The following COX7B2 variants were observed in gnomAD, a reference collection of about 807,000 sequenced individuals.
COX7B2 encodes the protein cytochrome c oxidase subunit 7B2.
For missense variants in COX7B2, 109 were observed against 95.9 expected (o/e 1.14, Z -0.57); for synonymous variants, 37 against 32.1 (o/e 1.15, Z -0.51).
At chr4:46,743,319 G>A (rs931991037) in intron 2 of COX7B2, among the ~76,000 whole-genome samples, 2 of 152,142 alleles carry the variant, frequency 1.3e-5, no homozygotes, top group African/African-American at 4.8e-5. Context: ...GCTTTGCAGG[G>A]CAAGATCACA....
At chr4:46,835,002 A>G (rs1249712039) in intron 2 of COX7B2, among the ~76,000 whole-genome samples, 1 of 152,186 alleles carries the variant, frequency 6.6e-6, no homozygotes. Context: ...AAAAATGGAA[A>G]TATGAGTAAT....
At chr4:46,823,184 T>C (rs1714426213) in intron 2 of COX7B2, among the ~76,000 whole-genome samples, 1 of 152,100 alleles carries the variant, frequency 6.6e-6, no homozygotes, top group South Asian at 2.1e-4. Context: ...TTCTGCTGGG[T>C]GGGAAATAGC....
chr4:46,883,603 T>A (rs184749937), intron 1 of COX7B2, among the ~76,000 whole-genome samples: 250 of 152,096 alleles, frequency 1.6e-3, no homozygotes, highest in Middle Eastern at 6.8e-3. Context: ...CCAGGCATGG[T>A]GGCACGTGCC....
Position 46,734,862 on chromosome 4 carries a change from TTG to T in COX7B2, c.*83_*84del. The T allele has an allele frequency of 6.9e-7, 1 of 1,441,432 alleles. No individual in the cohort carries two copies. Among genetic ancestry groups the T allele is most frequent in the Non-Finnish European group, 9.6e-7 (1 of 1,040,712 alleles). 89.3% of individuals were successfully genotyped at this position (1,441,432 alleles called of 1,614,324 possible). A position where few individuals can be genotyped will look rare whatever the true frequency, so the allele number is the denominator to read the frequency against. ...TTTAAAACACATTTTATTTTTTCAA[TTG>T]TGCTATATTTTAATAAGCAGTAGAG... On this transcript the variant is annotated 3_prime_UTR_variant, in exon 3 of 3. Transcript: ENST00000355591.
At chr4:46,870,715 T>C (rs1298773401) in intron 1 of COX7B2, among the ~76,000 whole-genome samples, 1 of 151,696 alleles carries the variant, frequency 6.6e-6, no homozygotes, top group Non-Finnish European at 1.5e-5. Context: ...AACAACCAAA[T>C]AAGGAACTCA....
At chr4:46,814,062 G>T (rs1719424849) in intron 2 of COX7B2, among the ~76,000 whole-genome samples, 1 of 152,128 alleles carries the variant, frequency 6.6e-6, no homozygotes, top group African/African-American at 2.4e-5. Context: ...GGAGAAAAGG[G>T]AACTCTTATA....
intron 2 of COX7B2, among the ~76,000 whole-genome samples, chr4:46,839,409 C>T (rs530827600): frequency 3.7e-4 from 56 of 152,100 alleles, no homozygotes; most frequent in Admixed American, 9.8e-4. Context: ...CCACAGATTG[C>T]TTTTCACCAA....
At chr4:46,853,404 T>C (rs1408536457) in intron 1 of COX7B2, among the ~76,000 whole-genome samples, 1 of 152,170 alleles carries the variant, frequency 6.6e-6, no homozygotes, top group Non-Finnish European at 1.5e-5. Flanking sequence ...CATCTAAAAT[T>C]TGTCTACTTA....
chr4:46,795,426 A>G (rs1718271898), intron 2 of COX7B2, among the ~76,000 whole-genome samples: 1 of 87,266 alleles, frequency 1.1e-5, no homozygotes, highest in African/African-American at 5.4e-5. Context: ...ATGGCTAGCC[A>G]GTTTTCCCAG....
chr4:46,736,882 G>A (rs755332879), intron 2 of COX7B2, among the ~76,000 whole-genome samples: 1 of 152,168 alleles, frequency 6.6e-6, no homozygotes, highest in African/African-American at 2.4e-5. Flanking sequence ...TTGCTTCTAA[G>A]ATTCAATTAG....
rs35024713 is a variant in COX7B2, at chr4:46,907,848, C to CTTTTTTTTTTTTTTTTT, written c.-105+1295_-105+1311dup. Among the ~76,000 whole-genome samples, 274 of 59,714 alleles carry CTTTTTTTTTTTTTTTTT rather than the reference C, an allele frequency of 4.6e-3. 48 individuals carry two copies. Among genetic ancestry groups the CTTTTTTTTTTTTTTTTT allele is most frequent in the Non-Finnish European group, 6.4e-3 (208 of 32,712 alleles). 39.2% of individuals were successfully genotyped at this position (59,714 alleles called of 152,430 possible). A position where few individuals can be genotyped will look rare whatever the true frequency, so the allele number is the denominator to read the frequency against. On this transcript the variant is annotated intron_variant, in intron 1 of 2. Coordinates refer to ENST00000355591, the MANE Select transcript of COX7B2 (RefSeq NM_130902.3). ...TATAAAAGATCAGAATTTGAGCAGA[C>CTTTTTTTTTTTTTTTTT]TTTTTTTTTTTTTTTTTTTTTTTTG...
chr4:46,782,268 TTA>T (rs1717505412), intron 2 of COX7B2, among the ~76,000 whole-genome samples: 1 of 151,966 alleles, frequency 6.6e-6, no homozygotes, highest in African/African-American at 2.4e-5. Flanking sequence ...TGGAGAACTT[TTA>T]TGTCTAGCCA....
intron 2 of COX7B2, among the ~76,000 whole-genome samples, chr4:46,833,031 G>A (rs1302718687): frequency 2.6e-5 from 4 of 151,878 alleles, no homozygotes; most frequent in East Asian, 3.9e-4. Context: ...TCAGCCTCCC[G>A]AGTAGCTGGG....
At chr4:46,785,157 T>G (rs2109565404) in intron 2 of COX7B2, among the ~76,000 whole-genome samples, 1 of 152,316 alleles carries the variant, frequency 6.6e-6, no homozygotes. Context: ...TATGTCTCAT[T>G]GCTTGTGCAG....
chr4:46,888,356 T>A (rs111592487), intron 1 of COX7B2, among the ~76,000 whole-genome samples: 17 of 152,314 alleles, frequency 1.1e-4, no homozygotes, highest in African/African-American at 3.6e-4. Context: ...TTAATTTTTT[T>A]AAATATTAGA....
chr4:46,816,049 G>T (rs138688637), intron 2 of COX7B2, among the ~76,000 whole-genome samples: 99 of 152,198 alleles, frequency 6.5e-4, no homozygotes, highest in African/African-American at 2.2e-3. Flanking sequence ...CTCACCAATG[G>T]TGGCCACTCT....
intron 1 of COX7B2, among the ~76,000 whole-genome samples, chr4:46,851,917 A>G (rs1716716522): frequency 6.6e-6 from 1 of 152,116 alleles, no homozygotes; most frequent in Non-Finnish European, 1.5e-5. Flanking sequence ...TGATTTGATA[A>G]AGCTGGTGTT....
intron 2 of COX7B2, among the ~76,000 whole-genome samples, chr4:46,756,687 G>A (rs1715821006): frequency 1.3e-5 from 2 of 151,878 alleles, no homozygotes; most frequent in Non-Finnish European, 1.5e-5. Context: ...ACAAACATAT[G>A]AAAAAATATT....
intron 2 of COX7B2, among the ~76,000 whole-genome samples, chr4:46,769,621 C>A (rs771298588): frequency 6.6e-6 from 1 of 152,048 alleles, no homozygotes; most frequent in African/African-American, 2.4e-5. Flanking sequence ...AGAAGACTGG[C>A]AGGAGAATCA....
Sources: allele counts gnomAD v4.1 joint callset (sites outside exome capture counted in the v4.1 genomes callset), GRCh38; gene constraint gnomAD v4.1.1; transcripts MANE v1.5; gene names NCBI Gene and HGNC (gene_info 2026-07-23, HGNC 2026-07-21).